The following FCSK variants were observed in gnomAD, a reference collection of about 807,000 sequenced individuals.
FCSK encodes the protein fucose kinase.
A neutral mutation model predicts 122.5 loss-of-function variants in FCSK; 123 were observed. That is an observed-to-expected ratio of 1.00 (90% confidence interval 0.87 to 1.17). The LOEUF (loss-of-function observed/expected upper bound fraction) is 1.17. Ranked by LOEUF, FCSK falls within the 50% of genes most tolerant of loss-of-function variation. The probability of loss-of-function intolerance (pLI) is 0.00; values close to 1 mark genes in which losing one functional copy is unlikely to be tolerated. For synonymous variants in FCSK, 620 were observed against 625.5 expected (o/e 0.99, Z 0.13); for missense variants, 1,366 against 1,450.4 (o/e 0.94, Z 0.95).
chr16:70,456,443 T>C (rs749036203), intron 1 of FCSK, among the ~76,000 whole-genome samples: 1 of 152,212 alleles, frequency 6.6e-6, no homozygotes, highest in South Asian at 2.1e-4. Context: ...TTTTTGTTAA[T>C]CTCTCAGGGG....
chr16:70,469,580 C>T (rs2048544149), intron 10 of FCSK, among the ~76,000 whole-genome samples: 2 of 152,058 alleles, frequency 1.3e-5, no homozygotes, highest in South Asian at 4.2e-4. Context: ...TTGAGACGGA[C>T]TCTCTCTTTG....
In FCSK at chr16:70,479,344, C is replaced by G. The variant is rs528230423; in HGVS notation, c.3094C>G (p.Leu1032Val). The G allele has an allele frequency of 6.2e-7, 1 of 1,614,006 alleles. No homozygotes were observed. Among genetic ancestry groups the G allele is most frequent in the Admixed American group, 1.7e-5 (1 of 60,022 alleles). Residue 1032 changes from leucine to valine, a missense_variant, in exon 23 of 24, where the codon CTG becomes GTG. Transcript: ENST00000288078. ...GGCAGGCGGTGGAGGCTTTCTCTAT[C>G]TGTTGACCAAGGAGCCACAGCAAAA... ...AGAGGGGFLY[L>V]LTKEPQQKEA... is the part of the protein sequence containing the mutation.
chr16:70,479,572 T>G lies in FCSK; in HGVS notation c.3154-7T>G. 1 of 1,612,646 alleles carries G rather than the reference T, an allele frequency of 6.2e-7. No homozygotes were observed. Among genetic ancestry groups the G allele is most frequent in the South Asian group, 1.1e-5 (1 of 90,900 alleles). On this transcript the variant is annotated splice_region_variant and splice_polypyrimidine_tract_variant and intron_variant, in intron 23 of 23. Coordinates refer to ENST00000288078, the MANE Select transcript of FCSK (RefSeq NM_145059.3). ...AGAGCCTTCTAAATACTTCCTGTCT[T>G]GTCCAGGGCCTTGGGAATTACAGCA...
At position 70,479,370 on chromosome 16, in the gene FCSK, G is replaced by C. The variant is rs546675701; in HGVS notation, c.3120G>C (p.Lys1040Asn). Residue 1040 changes from lysine to asparagine, a missense_variant, in exon 23 of 24, where the codon AAG becomes AAC. Lys to Asn is a moderately conservative substitution (Grantham distance 94). Coordinates refer to ENST00000288078, the MANE Select transcript of FCSK (RefSeq NM_145059.3). ...TGTTGACCAAGGAGCCACAGCAAAA[G>C]GAGGCCTTGGAGGCGGTGCTGGCCA... is the stretch of plus-strand genomic sequence containing the variant. ...LYLLTKEPQQ[K>N]EALEAVLAKT... 2 of 1,613,802 alleles carry C rather than the reference G, an allele frequency of 1.2e-6. No homozygotes were observed. The highest frequency in any genetic ancestry group is 2.7e-5 in the African/African-American group (2 of 75,068).
At chr16:70,474,505 A>C in intron 16 of FCSK, 23 bp from the exon 17 acceptor site, 4 of 1,546,332 alleles carry the variant, frequency 2.6e-6, no homozygotes, top group Non-Finnish European at 3.5e-6. Context: ...GCATGCCACC[A>C]TCCCTCCCCC....
chr16:70,473,046 CT>C lies in FCSK; in HGVS notation c.1473del (p.Pro492LeufsTer82), dbSNP rs2048680272. 1 of 1,589,526 alleles carries C rather than the reference CT, an allele frequency of 6.3e-7. No individual in the cohort carries two copies. The highest frequency in any genetic ancestry group is 8.6e-7 in the Non-Finnish European group (1 of 1,168,886). On this transcript the variant is annotated frameshift_variant, in exon 15 of 24. Transcript: ENST00000288078. LOFTEE classifies it high-confidence loss of function. This position sits in a 1 kb window ranked among gnomAD's most constrained non-coding sequence, Gnocchi z 4.9. ...AEYCLPSARL[F>X]PVLHPSRELG... Reference sequence around the variant, plus strand: ...AGTACTGCCTTCCCAGCGCCCGCCTCTTTCCTGTGCTCCACCCCTCGAGGGA... The same window carrying C: ...AGTACTGCCTTCCCAGCGCCCGCCTCTTCCTGTGCTCCACCCCTCGAGGGA...
At position 70,479,333 on chromosome 16, in the gene FCSK, G is replaced by T. The variant is rs777223721; in HGVS notation, c.3083G>T (p.Gly1028Val). ...GQSLAGAGGG[G>V]FLYLLTKEPQ... Reference sequence around the variant, plus strand: ...AGCCTGGCTGGGGCAGGCGGTGGAGGCTTTCTCTATCTGTTGACCAAGGAG... The same window carrying T: ...AGCCTGGCTGGGGCAGGCGGTGGAGTCTTTCTCTATCTGTTGACCAAGGAG... Residue 1028 changes from glycine (G) to valine (V), a missense_variant, in exon 23 of 24, where the codon GGC (glycine) becomes GTC (valine). By Grantham distance (109) the Gly-to-Val change is moderately radical. Coordinates refer to ENST00000288078, the MANE Select transcript of FCSK (RefSeq NM_145059.3). The T allele has an allele frequency of 3.7e-6, 6 of 1,613,866 alleles. No individual in the cohort carries two copies. In the African/African-American group the frequency reaches 8.0e-5, roughly 22 times the overall value.
intron 22 of FCSK, chr16:70,478,904 T>C (rs1374578455): frequency 1.4e-6 from 1 of 697,034 alleles, no homozygotes; most frequent in Non-Finnish European, 2.6e-6. Context: ...AACCCATGGC[T>C]GAGTTCCAAG....
intron 10 of FCSK, 95 bp downstream of exon 10, chr16:70,469,418 C>A: frequency 1.6e-6 from 2 of 1,243,326 alleles, no homozygotes; most frequent in Admixed American, 2.4e-5. Flanking sequence ...CCAGGCAGCC[C>A]AGCACAGGGA....
intron 3 of FCSK, 83 bp from the exon 4 acceptor site, chr16:70,465,043 G>C (rs751465232): frequency 6.3e-7 from 1 of 1,582,150 alleles, no homozygotes; most frequent in Admixed American, 1.8e-5. Context: ...ATTTGTGTTG[G>C]AGTCTCTCTC....
intron 3 of FCSK, 107 bp downstream of exon 3, chr16:70,463,881 T>C: frequency 8.1e-7 from 1 of 1,241,430 alleles, no homozygotes; most frequent in South Asian, 1.5e-5. Flanking sequence ...AACTCAGCAT[T>C]GGTCTCAGTT....
intron 1 of FCSK, among the ~76,000 whole-genome samples, chr16:70,461,016 T>C (rs1304214918): frequency 6.6e-6 from 1 of 152,220 alleles, no homozygotes; most frequent in Non-Finnish European, 1.5e-5. Flanking sequence ...GATCTCTAGC[T>C]GGAATTTCCC....
intron 3 of FCSK, among the ~76,000 whole-genome samples, chr16:70,464,177 C>T (rs988525879): frequency 3.3e-5 from 5 of 152,176 alleles, no homozygotes; most frequent in African/African-American, 7.2e-5. Flanking sequence ...CCACTTCACC[C>T]GGTCACCTTG....
At position 70,475,474 on chromosome 16, in the gene FCSK, GC is replaced by G; in HGVS notation, c.2506del (p.His836ThrfsTer32). On this transcript the variant is annotated frameshift_variant, in exon 19 of 24. Transcript: ENST00000288078. LOFTEE classifies it high-confidence loss of function. ...TTGAGCTGCACACCTGGTCTGAGCT[GC>G]CCCACGGCTCTGGCCTGGGTGAGCG... ...GFELHTWSEL[P>X]HGSGLGTSSI... 1 of 1,604,378 alleles carries G rather than the reference GC, an allele frequency of 6.2e-7. No homozygotes were observed.
At chr16:70,468,360 C>A (rs779155600) in intron 8 of FCSK, among the ~76,000 whole-genome samples, 2 of 152,168 alleles carry the variant, frequency 1.3e-5, no homozygotes, top group Non-Finnish European at 2.9e-5. Flanking sequence ...GCGGAGGTTG[C>A]GGTGAGCAGA....
At chr16:70,470,284 G>GCCTAT in intron 10 of FCSK, 30 bp from the exon 11 acceptor site, 1 of 1,499,942 alleles carries the variant, frequency 6.7e-7, no homozygotes, top group Non-Finnish European at 9.2e-7. Flanking sequence ...AGCAGGCATG[G>GCCTAT]GGTTGGGTTC....
Position 70,463,620 on chromosome 16 carries a change from T to C in FCSK, c.83-3T>C, listed in dbSNP as rs367811053. The C allele has an allele frequency of 2.5e-6, 4 of 1,613,530 alleles. No individual in the cohort carries two copies. The highest frequency in any genetic ancestry group is 3.4e-6 in the Non-Finnish European group (4 of 1,179,996). On this transcript the variant is annotated splice_polypyrimidine_tract_variant and splice_region_variant and intron_variant, in intron 2 of 23. Coordinates refer to ENST00000288078, the MANE Select transcript of FCSK (RefSeq NM_145059.3). ...CAGGTCCCAGTGTCTCTTCTGACCC[T>C]AGAACTGGAAGTGCGGCAGAAGCGG...
intron 1 of FCSK, among the ~76,000 whole-genome samples, chr16:70,455,587 CTA>C (rs1288061947): frequency 6.8e-6 from 1 of 146,630 alleles, no homozygotes; most frequent in South Asian, 2.1e-4. Context: ...CTCCAGCAAA[CTA>C]TTAATTAAAA....
chr16:70,463,153 CAT>C lies in FCSK; in HGVS notation c.-22-13_-22-12del. 6.9e-7 allele frequency: 1 copy of C among 1,441,280 alleles called. No individual in the cohort carries two copies. Among genetic ancestry groups the C allele is most frequent in the Non-Finnish European group, 9.7e-7 (1 of 1,026,926 alleles). The allele number at this position is 1,441,280 out of a possible 1,614,324, so 89.3% of individuals were successfully genotyped here. On this transcript the variant is annotated splice_polypyrimidine_tract_variant and intron_variant, in intron 1 of 23. Transcript: ENST00000288078. ...GGTTTAAAAAATAGTCACATCTACC[CAT>C]ATTGCTGTCTCAGGAAGCCCCTCCG...
Sources: gnomAD v4.1 joint callset for allele counts (sites outside exome capture counted in the v4.1 genomes callset) on GRCh38, gnomAD v4.1.1 for gene constraint, Gnocchi (gnomAD v3.1) non-coding constraint, MANE v1.5 for transcripts, NCBI Gene and HGNC (gene_info 2026-07-23, HGNC 2026-07-21) for gene names.